The following MEF2A variants were observed in gnomAD, a reference collection of about 807,000 sequenced individuals.
The protein encoded by MEF2A is myocyte enhancer factor 2A.
A neutral mutation model predicts 55.8 loss-of-function variants in MEF2A; 28 were observed. That is an observed-to-expected ratio of 0.50 (90% confidence interval 0.37 to 0.69). MEF2A has a LOEUF of 0.69. Among genes scored for constraint, MEF2A ranks in the 30% least tolerant of loss-of-function variants. MEF2A has a pLI of 0.00. For synonymous variants in MEF2A, 239 were observed against 227.1 expected (o/e 1.05, Z -0.47); for missense variants, 528 against 626.2 (o/e 0.84, Z 1.67).
chr15:99,702,855 TC>T (rs1330091457), intron 8 of MEF2A, among the ~76,000 whole-genome samples: 1 of 152,256 alleles, frequency 6.6e-6, no homozygotes, highest in Non-Finnish European at 1.5e-5. Context: ...ATGTTTGTGT[TC>T]CTGTTGTTTT....
At position 99,631,686 on chromosome 15, in the gene MEF2A, GT is replaced by G. The variant is rs369123050; in HGVS notation, c.-142-1290del. Among the ~76,000 whole-genome samples, 280 of 151,150 alleles carry G rather than the reference GT, an allele frequency of 1.9e-3. 2 individuals carry two copies. The highest frequency in any genetic ancestry group is 6.7e-3 in the African/African-American group (273 of 41,040). ...CTGACCATGTTATCCTCTGTGCATAGTTCAGTGTTTGGAAGTACATTTATTA... is the reference window on the plus strand; with the variant it reads ...CTGACCATGTTATCCTCTGTGCATAGTCAGTGTTTGGAAGTACATTTATTA... On this transcript the variant is annotated intron_variant, in intron 2 of 11. Transcript: ENST00000557942.
intron 1 of MEF2A, among the ~76,000 whole-genome samples, chr15:99,591,510 T>G (rs553078274): frequency 1.4e-4 from 22 of 152,180 alleles, no homozygotes; most frequent in Non-Finnish European, 2.6e-4. Context: ...TGTGGTTTCT[T>G]TGTGCTTAAT....
At chr15:99,640,311 GTT>G (rs1051572771) in intron 3 of MEF2A, among the ~76,000 whole-genome samples, 4 of 152,038 alleles carry the variant, frequency 2.6e-5, no homozygotes, top group African/African-American at 9.7e-5. Flanking sequence ...TAATAATACT[GTT>G]TTATACATTT....
At chr15:99,623,089 A>G (rs1424356472) in intron 2 of MEF2A, among the ~76,000 whole-genome samples, 1 of 152,098 alleles carries the variant, frequency 6.6e-6, no homozygotes, top group Non-Finnish European at 1.5e-5. Context: ...CTAGCAACTA[A>G]CTACCATTCT....
intron 5 of MEF2A, 152 bp downstream of exon 5, chr15:99,671,606 TA>T: frequency 1.3e-6 from 2 of 1,595,994 alleles, no homozygotes; most frequent in African/African-American, 1.3e-5. Context: ...AAGAAAAATA[TA>T]AAAAAATTAA....
chr15:99,621,644 A>G (rs1365677014), intron 2 of MEF2A, among the ~76,000 whole-genome samples: 1 of 152,116 alleles, frequency 6.6e-6, no homozygotes, highest in Non-Finnish European at 1.5e-5. Context: ...GCCCTGATGT[A>G]TGAGTCTTAT....
At chr15:99,597,470 G>C (rs183385694) in intron 1 of MEF2A, among the ~76,000 whole-genome samples, 64 of 152,150 alleles carry the variant, frequency 4.2e-4, no homozygotes, top group African/African-American at 1.5e-3. Context: ...AATGGTGCCC[G>C]AAACTTCATT....
intron 7 of MEF2A, among the ~76,000 whole-genome samples, chr15:99,688,855 C>T (rs372955482): frequency 9.2e-5 from 14 of 152,248 alleles, no homozygotes; most frequent in African/African-American, 2.2e-4. Flanking sequence ...TTGTTTTACC[C>T]GGGTTCTGAT....
chr15:99,627,113 G>A (rs944352109), intron 2 of MEF2A, among the ~76,000 whole-genome samples: 16 of 152,016 alleles, frequency 1.1e-4, no homozygotes, highest in African/African-American at 3.4e-4. Flanking sequence ...CAAAATGGAG[G>A]CAAGGGGTTG....
intron 2 of MEF2A, among the ~76,000 whole-genome samples, chr15:99,611,102 C>T (rs1977103024): frequency 6.6e-6 from 1 of 152,062 alleles, no homozygotes; most frequent in Non-Finnish European, 1.5e-5. Context: ...ATTAGCCAGG[C>T]GTGATGGCAG....
intron 1 of MEF2A, among the ~76,000 whole-genome samples, chr15:99,593,192 A>T (rs1969941804): frequency 6.6e-6 from 1 of 152,130 alleles, no homozygotes. Flanking sequence ...AATCTGTCGC[A>T]CAAATTCCCA....
chr15:99,687,084 C>CTTTTTTTTTTT lies in MEF2A; in HGVS notation c.671-3142_671-3132dup, dbSNP rs71149484. Among the ~76,000 whole-genome samples the CTTTTTTTTTTT allele has an allele frequency of 4.0e-4, 27 of 67,764 alleles. 1 individual carries two copies. The highest frequency in any genetic ancestry group is 5.2e-4 in the Non-Finnish European group (20 of 38,656). 44.5% of individuals were successfully genotyped at this position (67,764 alleles called of 152,430 possible). A position where few individuals can be genotyped will look rare whatever the true frequency, so the allele number is the denominator to read the frequency against. On this transcript the variant is annotated intron_variant, in intron 7 of 11. Transcript: ENST00000557942. ...ACACCACCATGTCCTATTAATTTTT[C>CTTTTTTTTTTT]TTTTTTTTTTTTTTTTTTTTTTTTT... is the stretch of plus-strand genomic sequence containing the variant.
At chr15:99,675,995 G>A (rs1043653917) in intron 7 of MEF2A, among the ~76,000 whole-genome samples, 38 of 151,286 alleles carry the variant, frequency 2.5e-4, no homozygotes, top group African/African-American at 8.5e-4. Context: ...AGCTGAGATC[G>A]CATCACTGCA....
chr15:99,603,869 C>T (rs1214368231), intron 2 of MEF2A, among the ~76,000 whole-genome samples: 4 of 152,152 alleles, frequency 2.6e-5, no homozygotes, highest in Non-Finnish European at 5.9e-5. Flanking sequence ...CAATATTCAA[C>T]TTCAATTGTG....
chr15:99,681,979 G>C (rs1176450285), intron 7 of MEF2A: 1 of 152,194 alleles, frequency 6.6e-6, no homozygotes, highest in African/African-American at 2.4e-5. Context: ...ATAATCAGCT[G>C]AATGTCAAAT....
chr15:99,636,241 T>G (rs2043811058), intron 3 of MEF2A, among the ~76,000 whole-genome samples: 1 of 152,238 alleles, frequency 6.6e-6, no homozygotes, highest in Non-Finnish European at 1.5e-5. Context: ...GGCTGCCTGC[T>G]TTTTTCTTAT....
chr15:99,667,847 G>A (rs1054456138), intron 4 of MEF2A, among the ~76,000 whole-genome samples: 3 of 152,216 alleles, frequency 2.0e-5, no homozygotes, highest in African/African-American at 7.2e-5. Context: ...AGAAACCAAG[G>A]TACAAACCCC....
chr15:99,690,417 A>G lies in MEF2A; in HGVS notation c.847A>G (p.Met283Val). The G allele has an allele frequency of 6.3e-7, 1 of 1,598,042 alleles. No homozygotes were observed. Among genetic ancestry groups the G allele is most frequent in the Middle Eastern group, 1.7e-4 (1 of 5,938 alleles). Residue 283 changes from methionine (M) to valine (V), a missense_variant, in exon 8 of 12, where the codon ATG (methionine) becomes GTG (valine). Transcript: ENST00000557942. The part of the protein sequence containing the change: ...VVIPPSSKGM[M>V]PPLSEEEELE... ...CATCCCCCCTTCAAGCAAGGGCATG[A>G]TGCCTCCACTAGTAAGTTGAACCTT...
intron 3 of MEF2A, among the ~76,000 whole-genome samples, chr15:99,641,831 C>G (rs2045034021): frequency 6.6e-6 from 1 of 152,216 alleles, no homozygotes; most frequent in African/African-American, 2.4e-5. Flanking sequence ...GGGTTTCTCA[C>G]TTTTTCTTCA....
Sources: allele counts gnomAD v4.1 joint callset (sites outside exome capture counted in the v4.1 genomes callset), GRCh38; gene constraint gnomAD v4.1.1; transcripts MANE v1.5; gene names NCBI Gene and HGNC (gene_info 2026-07-23, HGNC 2026-07-21).